DCC: variants seen among roughly 807,000 people sequenced by gnomAD.
DCC encodes the protein DCC netrin 1 receptor, also known as netrin receptor DCC.
In DCC, 58 loss-of-function variants were observed where a neutral mutation model predicts 172.5. That is an observed-to-expected ratio of 0.34 (90% CI 0.27 to 0.42). DCC has a LOEUF of 0.42. Among genes scored for constraint, DCC ranks in the 10% least tolerant of loss-of-function variants. The pLI is 1.00. For synonymous variants in DCC, 709 were observed against 644.5 expected (o/e 1.10, Z -1.52); for missense variants, 1,740 against 1,791.0 (o/e 0.97, Z 0.51).
At chr18:52,544,617 T>G (rs765607215) in intron 1 of DCC, among the ~76,000 whole-genome samples, 12 of 152,158 alleles carry the variant, frequency 7.9e-5, no homozygotes, top group Non-Finnish European at 1.5e-4. Context: ...TGCTATTCCA[T>G]GCATGTCAAG....
intron 21 of DCC, among the ~76,000 whole-genome samples, chr18:53,431,983 T>G (rs1911647647): frequency 6.6e-6 from 1 of 152,144 alleles, no homozygotes; most frequent in African/African-American, 2.4e-5. Context: ...GAATTTTAAT[T>G]TGTAAAAGTG....
intron 9 of DCC, among the ~76,000 whole-genome samples, chr18:53,199,576 AAAT>A (rs1255092630): frequency 2.0e-5 from 3 of 147,468 alleles, no homozygotes; most frequent in African/African-American, 5.0e-5. Flanking sequence ...TAATTAATGT[AAAT>A]AATATATTCT....
chr18:52,451,433 A>G (rs1346477537), intron 1 of DCC, among the ~76,000 whole-genome samples: 2 of 152,186 alleles, frequency 1.3e-5, no homozygotes, highest in East Asian at 1.9e-4. Context: ...CGTTTGGGAA[A>G]GAGATAAAGA....
chr18:53,447,662 TC>T (rs1183919375), intron 22 of DCC, among the ~76,000 whole-genome samples: 3 of 152,186 alleles, frequency 2.0e-5, no homozygotes, highest in Non-Finnish European at 4.4e-5. Flanking sequence ...TAAATTTAAG[TC>T]ATGCTTATAA....
intron 1 of DCC, among the ~76,000 whole-genome samples, chr18:52,482,433 G>A (rs933453702): frequency 1.3e-5 from 2 of 152,112 alleles, no homozygotes; most frequent in Non-Finnish European, 2.9e-5. Context: ...AATACTATAT[G>A]GTGTAAACAA....
At chr18:53,501,884 G>GTTAT (rs34709086) in intron 27 of DCC, among the ~76,000 whole-genome samples, 75,207 of 150,202 alleles carry the variant, frequency 0.5, 19,863 homozygotes, top group Non-Finnish European at 0.61. Context: ...TTTTTTACTA[G>GTTAT]TTATTTTCTT....
intron 7 of DCC, among the ~76,000 whole-genome samples, chr18:53,120,899 G>C (rs1449628067): frequency 6.6e-6 from 1 of 151,712 alleles, no homozygotes; most frequent in Non-Finnish European, 1.5e-5. Context: ...GTTACTCCAG[G>C]GCAGGGATTA....
At chr18:52,832,841 AT>A (rs2145298807) in intron 2 of DCC, among the ~76,000 whole-genome samples, 1 of 152,284 alleles carries the variant, frequency 6.6e-6, no homozygotes, top group South Asian at 2.1e-4. Context: ...AAATCTTTTC[AT>A]TACTAATGTA....
chr18:52,913,412 C>G (rs9963248), intron 3 of DCC, among the ~76,000 whole-genome samples: 1 of 151,796 alleles, frequency 6.6e-6, no homozygotes, highest in Non-Finnish European at 1.5e-5. Context: ...CAAGCTGAAC[C>G]TTTAAAAACT....
intron 13 of DCC, among the ~76,000 whole-genome samples, chr18:53,315,954 A>G (rs552594494): frequency 6.6e-6 from 1 of 152,154 alleles, no homozygotes; most frequent in Admixed American, 6.5e-5. Context: ...TTTGCTGTGC[A>G]GAAGCTCTTT....
At chr18:52,927,085 ACACG>A (rs768179659) in intron 5 of DCC, among the ~76,000 whole-genome samples, 9,053 of 107,324 alleles carry the variant, frequency 0.084, 2,311 homozygotes, top group South Asian at 0.15. Flanking sequence ...ATGTGTATAT[ACACG>A]TATATACGTG....
At chr18:52,811,800 T>C (rs1371212823) in intron 2 of DCC, among the ~76,000 whole-genome samples, 2 of 152,196 alleles carry the variant, frequency 1.3e-5, no homozygotes, top group African/African-American at 2.4e-5. Flanking sequence ...AATTCTCTTA[T>C]ATAATTGACA....
intron 12 of DCC, among the ~76,000 whole-genome samples, chr18:53,250,043 T>C (rs1325698118): frequency 1.3e-5 from 2 of 151,980 alleles, no homozygotes; most frequent in Non-Finnish European, 2.9e-5. Context: ...GTTCAGATAC[T>C]CTATGATGTT....
At chr18:52,609,410 G>A (rs1331592099) in intron 1 of DCC, among the ~76,000 whole-genome samples, 2 of 81,942 alleles carry the variant, frequency 2.4e-5, no homozygotes, top group Non-Finnish European at 6.2e-5. Context: ...CTAGTATGCC[G>A]GGTGGCTTAA....
At chr18:52,972,099 T>C (rs1310579380) in intron 5 of DCC, among the ~76,000 whole-genome samples, 1 of 152,174 alleles carries the variant, frequency 6.6e-6, no homozygotes, top group Non-Finnish European at 1.5e-5. Context: ...AAAGGCAATA[T>C]ATGAACATGA....
chr18:52,958,272 T>C (rs535416803), intron 5 of DCC, among the ~76,000 whole-genome samples: 1 of 152,210 alleles, frequency 6.6e-6, no homozygotes, highest in Middle Eastern at 3.4e-3. Context: ...GTGGTAACAA[T>C]CTATCAAAAA....
At position 53,459,095 on chromosome 18, in the gene DCC, A is replaced by G. The variant is rs1293711857; in HGVS notation, c.3393-137A>G. 11 of 741,110 alleles carry G rather than the reference A, an allele frequency of 1.5e-5. No homozygotes were observed. The Admixed American group carries it at 2.3e-4, about 16-fold the overall frequency. 45.9% of individuals were successfully genotyped at this position (741,110 alleles called of 1,614,324 possible). A position where few individuals can be genotyped will look rare whatever the true frequency, so the allele number is the denominator to read the frequency against. ...GAAAGGCAGCCAAGACAAGTCTGCCAATTCCTGGGTTTCACAGGGCTCATT... is the reference window on the plus strand; with the variant it reads ...GAAAGGCAGCCAAGACAAGTCTGCCGATTCCTGGGTTTCACAGGGCTCATT... On this transcript the variant is annotated intron_variant, in intron 23 of 28. Coordinates refer to ENST00000442544, the MANE Select transcript of DCC (RefSeq NM_005215.4).
At chr18:53,422,015 A>G (rs192377148) in intron 21 of DCC, among the ~76,000 whole-genome samples, 12 of 152,288 alleles carry the variant, frequency 7.9e-5, no homozygotes, top group East Asian at 7.7e-4. Context: ...GTGAAAGTTG[A>G]TTATACAAAA....
chr18:53,484,452 T>C (rs2045877991), intron 25 of DCC, among the ~76,000 whole-genome samples: 1 of 151,980 alleles, frequency 6.6e-6, no homozygotes, highest in Non-Finnish European at 1.5e-5. Context: ...GTTTCATTTA[T>C]TTATTTTTGA....
Sources: gnomAD v4.1 joint callset for allele counts (sites outside exome capture counted in the v4.1 genomes callset) on GRCh38, gnomAD v4.1.1 for gene constraint, MANE v1.5 for transcripts, NCBI Gene and HGNC (gene_info 2026-07-23, HGNC 2026-07-21) for gene names.